ZBTB8A: variants seen among roughly 807,000 people sequenced by gnomAD.
The protein encoded by ZBTB8A is zinc finger and BTB domain-containing protein 8A.
In ZBTB8A, 19 loss-of-function variants were observed where a neutral mutation model predicts 37.8. The observed-to-expected ratio is 0.50, with a 90% CI of 0.35 to 0.74. The LOEUF (loss-of-function observed/expected upper bound fraction) is 0.74, where lower values mean the gene tolerates loss of function less well. Among genes scored for constraint, ZBTB8A ranks in the 30% least tolerant of loss-of-function variants. The pLI is 0.01. For missense variants in ZBTB8A, 394 were observed against 537.8 expected (o/e 0.73, Z 2.65); for synonymous variants, 181 against 185.2 (o/e 0.98, Z 0.19).
intron 2 of ZBTB8A, among the ~76,000 whole-genome samples, chr1:32,575,573 T>C (rs1644353836): frequency 6.6e-6 from 1 of 151,866 alleles, no homozygotes; most frequent in Non-Finnish European, 1.5e-5. Context: ...TTAAAGAATA[T>C]TGAGGTGGCT....
chr1:32,575,083 T>G (rs1437288486), intron 2 of ZBTB8A, among the ~76,000 whole-genome samples: 9 of 151,598 alleles, frequency 5.9e-5, no homozygotes, highest in African/African-American at 2.2e-4. Flanking sequence ...CCTGATAATG[T>G]CCTTTTTAAA....
chr1:32,550,191 A>T (rs553805304), intron 1 of ZBTB8A, among the ~76,000 whole-genome samples: 1 of 151,968 alleles, frequency 6.6e-6, no homozygotes, highest in Non-Finnish European at 1.5e-5. Context: ...GACCCTTTAA[A>T]AAAAGGATCC....
At chr1:32,562,235 C>A (rs906460914) in intron 2 of ZBTB8A, among the ~76,000 whole-genome samples, 4 of 151,454 alleles carry the variant, frequency 2.6e-5, no homozygotes, top group African/African-American at 9.7e-5. Flanking sequence ...GGAGTATAGG[C>A]ATGAGCCACC....
At chr1:32,567,530 C>T (rs183832859) in intron 2 of ZBTB8A, among the ~76,000 whole-genome samples, 2 of 152,052 alleles carry the variant, frequency 1.3e-5, no homozygotes, top group African/African-American at 2.4e-5. Context: ...CATGGTGGCT[C>T]ACACCTGTAA....
At position 32,602,406 on chromosome 1, in the gene ZBTB8A, T is replaced by C. The variant is rs914091740; in HGVS notation, c.*1987T>C. 6.6e-6 allele frequency: 1 copy of C among 151,434 alleles called. No individual in the cohort carries two copies. Among genetic ancestry groups the C allele is most frequent in the African/African-American group, 2.4e-5 (1 of 41,184 alleles). 9.4% of individuals were successfully genotyped at this position (151,434 alleles called of 1,614,324 possible). A position where few individuals can be genotyped will look rare whatever the true frequency, so the allele number is the denominator to read the frequency against. ...AAATTACAGCTAAATTAGAGAAGCA[T>C]TGTTTCAGTTCTAAAGGTAAAATCT... is the stretch of plus-strand genomic sequence containing the variant. On this transcript the variant is annotated 3_prime_UTR_variant, in exon 5 of 5. Transcript: ENST00000373510.
chr1:32,572,917 G>T, intron 2 of ZBTB8A, among the ~76,000 whole-genome samples: 1 of 148,096 alleles, frequency 6.8e-6, no homozygotes, highest in Non-Finnish European at 1.5e-5. Context: ...AATCTTTATT[G>T]ATAATGATTA....
At position 32,560,072 on chromosome 1, in the gene ZBTB8A, G is replaced by A. The variant is rs556980159; in HGVS notation, c.-2+6532G>A. 3.3e-5 allele frequency among the ~76,000 whole-genome samples: 5 copies of A among 152,140 alleles called. No individual in the cohort carries two copies. The South Asian group carries it at 6.2e-4, about 19-fold the overall frequency. On this transcript the variant is annotated intron_variant, in intron 2 of 4. Coordinates refer to ENST00000373510, the MANE Select transcript of ZBTB8A (RefSeq NM_001040441.3). ...AGTTACGGTGGAAGACATAGGAGGAGCAGGCATCTTCACATGGCTGGAGTG... is the reference window on the plus strand; with the variant it reads ...AGTTACGGTGGAAGACATAGGAGGAACAGGCATCTTCACATGGCTGGAGTG...
In ZBTB8A at chr1:32,566,954, T is replaced by G. The variant is rs28368600; in HGVS notation, c.-2+13414T>G. ...TAAAGACTTTGGATTTCTTTCTTAG[T>G]GAGATGGGAGCCACTGGAGGTCAAA... On this transcript the variant is annotated intron_variant, in intron 2 of 4. Transcript: ENST00000373510. 3.2e-4 allele frequency among the ~76,000 whole-genome samples: 49 copies of G among 152,308 alleles called. 1 individual carries two copies. The South Asian group carries it at 1.0e-2, about 31-fold the overall frequency.
intron 2 of ZBTB8A, among the ~76,000 whole-genome samples, chr1:32,555,051 G>T (rs762602707): frequency 1.1e-4 from 17 of 152,240 alleles, no homozygotes; most frequent in Non-Finnish European, 2.9e-5. Context: ...CAGCCTTGGC[G>T]TCACTGTCTG....
In ZBTB8A at chr1:32,565,939, C is replaced by A. The variant is rs148126016; in HGVS notation, c.-2+12399C>A. ...AATTCTGGCCGGGCACCGTGGCTCACGCCTGTAATCTCAGCACTTTGGGAG... is the reference window on the plus strand; with the variant it reads ...AATTCTGGCCGGGCACCGTGGCTCAAGCCTGTAATCTCAGCACTTTGGGAG... On this transcript the variant is annotated intron_variant, in intron 2 of 4. Transcript: ENST00000373510. Among the ~76,000 whole-genome samples the A allele has an allele frequency of 7.4e-3, 1,120 of 152,106 alleles. 16 individuals carry two copies. The highest frequency in any genetic ancestry group is 0.025 in the African/African-American group (1,037 of 41,516).
chr1:32,578,894 T>A (rs1024726810), intron 2 of ZBTB8A, among the ~76,000 whole-genome samples: 3 of 152,038 alleles, frequency 2.0e-5, no homozygotes, highest in African/African-American at 4.8e-5. Flanking sequence ...CTTTTTTTTA[T>A]GGAATGGTGG....
intron 1 of ZBTB8A, among the ~76,000 whole-genome samples, chr1:32,541,055 T>C (rs1484936005): frequency 6.6e-6 from 1 of 152,272 alleles, no homozygotes; most frequent in African/African-American, 2.4e-5. Context: ...TAATTCATCG[T>C]ATGTCATTTA....
chr1:32,564,009 T>C (rs1049277814), intron 2 of ZBTB8A, among the ~76,000 whole-genome samples: 2 of 152,128 alleles, frequency 1.3e-5, no homozygotes, highest in African/African-American at 2.4e-5. Context: ...GCCAGCAAGG[T>C]CATTTTATCT....
Position 32,600,500 on chromosome 1 carries a change from T to A in ZBTB8A, c.*81T>A. On this transcript the variant is annotated 3_prime_UTR_variant, in exon 5 of 5. Coordinates refer to ENST00000373510, the MANE Select transcript of ZBTB8A (RefSeq NM_001040441.3). ...TCTCTCTCTTTCTATGGTCGGAGTC[T>A]AGTTAACAAATTTATCACACTGACT... 9.2e-7 allele frequency: 1 copy of A among 1,090,868 alleles called. No homozygotes were observed. The highest frequency in any genetic ancestry group is 1.3e-6 in the Non-Finnish European group (1 of 759,944). 67.6% of individuals were successfully genotyped at this position (1,090,868 alleles called of 1,614,324 possible).
intron 2 of ZBTB8A, among the ~76,000 whole-genome samples, chr1:32,555,082 A>C (rs923366465): frequency 3.3e-5 from 5 of 152,248 alleles, no homozygotes; most frequent in Admixed American, 1.3e-4. Context: ...CTTTTCTGTA[A>C]AATGGGGATA....
intron 1 of ZBTB8A, among the ~76,000 whole-genome samples, chr1:32,543,920 C>T (rs942418587): frequency 2.0e-5 from 3 of 152,198 alleles, no homozygotes; most frequent in Non-Finnish European, 4.4e-5. Flanking sequence ...TCATGATCCG[C>T]CCGCCTCGGC....
intron 2 of ZBTB8A, among the ~76,000 whole-genome samples, chr1:32,580,209 C>T (rs1251343524): frequency 6.6e-6 from 1 of 151,924 alleles, no homozygotes; most frequent in Non-Finnish European, 1.5e-5. Flanking sequence ...CTAGCTTGGG[C>T]TACAAAGTGA....
intron 2 of ZBTB8A, among the ~76,000 whole-genome samples, chr1:32,561,822 C>T (rs947648123): frequency 2.6e-5 from 4 of 152,144 alleles, no homozygotes; most frequent in African/African-American, 4.8e-5. Flanking sequence ...AAATTAAGGT[C>T]TCCAGTGTAG....
intron 2 of ZBTB8A, among the ~76,000 whole-genome samples, chr1:32,591,827 T>TTTTTTTG (rs1490709709): frequency 6.6e-6 from 1 of 151,750 alleles, no homozygotes; most frequent in African/African-American, 2.4e-5. Flanking sequence ...GGTCTAGTTG[T>TTTTTTTG]TTTTTTGTTT....
Sources: gnomAD v4.1 joint callset for allele counts (sites outside exome capture counted in the v4.1 genomes callset) on GRCh38, gnomAD v4.1.1 for gene constraint, MANE v1.5 for transcripts, NCBI Gene and HGNC (gene_info 2026-07-23, HGNC 2026-07-21) for gene names.